The following PRDM15 variants were observed in gnomAD, a reference collection of about 807,000 sequenced individuals.
PRDM15 encodes PR/SET domain 15.
A neutral mutation model predicts 128.6 loss-of-function variants in PRDM15; 64 were observed. The ratio of observed to expected loss-of-function variants is 0.50; its 90% CI spans 0.41 to 0.61. PRDM15 has a LOEUF of 0.61. PRDM15 is among the 20% of genes least tolerant of loss of function. PRDM15 has a pLI of 0.00. For synonymous variants in PRDM15, 615 were observed against 621.8 expected (o/e 0.99, Z 0.16); for missense variants, 1,242 against 1,569.1 (o/e 0.79, Z 3.52).
At position 41,821,340 on chromosome 21, in the gene PRDM15, C is replaced by T; in HGVS notation, c.1897-110G>A. 1 of 1,277,204 alleles carries T rather than the reference C, an allele frequency of 7.8e-7. No individual in the cohort carries two copies. Among genetic ancestry groups the T allele is most frequent in the South Asian group, 1.3e-5 (1 of 74,670 alleles). 79.1% of individuals were successfully genotyped at this position (1,277,204 alleles called of 1,614,324 possible). ...GGGCACCCGACACGCCCTGAGAGCC[C>T]ATGACTCATGCCAGGGTGGAAGGGA... On this transcript the variant is annotated intron_variant, in intron 15 of 23. Coordinates refer to ENST00000398548, the MANE Select transcript of PRDM15 (RefSeq NM_001040424.3). The surrounding 1 kb of genome is among the most constrained non-coding windows in gnomAD (Gnocchi z 5.4).
Position 41,810,533 on chromosome 21 carries a change from G to T in PRDM15, c.2477-204C>A, listed in dbSNP as rs983668863. The T allele has an allele frequency of 6.2e-6, 4 of 649,806 alleles. No individual in the cohort carries two copies. The highest frequency in any genetic ancestry group is 1.9e-5 in the South Asian group (1 of 52,024). The allele number at this position is 649,806 out of a possible 1,614,324, so 40.3% of individuals were successfully genotyped here. ...TTGGGGAGCACTGCCAGCAGCAGCT[G>T]CATCACGGAACCAATATGAGAAAAT... On this transcript the variant is annotated intron_variant, in intron 20 of 23. Coordinates refer to ENST00000398548, the MANE Select transcript of PRDM15 (RefSeq NM_001040424.3). The surrounding 1 kb of genome is among the most constrained non-coding windows in gnomAD (Gnocchi z 6.4).
chr21:41,856,724 C>T (rs1000165857), intron 4 of PRDM15, among the ~76,000 whole-genome samples: 36 of 152,168 alleles, frequency 2.4e-4, no homozygotes, highest in African/African-American at 3.9e-4. Flanking sequence ...CTTTTTAGAA[C>T]GGCCAAACTT....
At position 41,836,500 on chromosome 21, in the gene PRDM15, C is replaced by T; in HGVS notation, c.1151G>A (p.Ser384Asn). The T allele has an allele frequency of 6.2e-7, 1 of 1,612,070 alleles. No individual in the cohort carries two copies. The highest frequency in any genetic ancestry group is 8.5e-7 in the Non-Finnish European group (1 of 1,179,764). ...CNICSKIFQN[S>N]SNLSRHVRSH... ...GCGCACGTGCCTGCTCAGGTTGCTG[C>T]TGTTCTGGAAGATCTTGCTGCAGAT... Residue 384 changes from serine to asparagine, a missense_variant, in exon 9 of 24, where the codon AGC becomes AAC. Coordinates refer to ENST00000398548, the MANE Select transcript of PRDM15 (RefSeq NM_001040424.3).
In PRDM15 at chr21:41,878,913, G is replaced by A. The variant is rs1446732045; in HGVS notation, c.-10+357C>T. On this transcript the variant is annotated intron_variant, in intron 1 of 23. Coordinates refer to ENST00000398548, the MANE Select transcript of PRDM15 (RefSeq NM_001040424.3). Reference sequence around the variant, plus strand: ...CCCGGCAGCCCCGCGGCCCCGCGCTGGGCCTGGCCGCGGGCGGGCGGGGGG... The same window carrying A: ...CCCGGCAGCCCCGCGGCCCCGCGCTAGGCCTGGCCGCGGGCGGGCGGGGGG... 5 of 954,820 alleles carry A rather than the reference G, an allele frequency of 5.2e-6. No individual in the cohort carries two copies. In the African/African-American group the frequency reaches 9.0e-5, roughly 17 times the overall value. The allele number at this position is 954,820 out of a possible 1,614,324, so 59.1% of individuals were successfully genotyped here. A position where few individuals can be genotyped will look rare whatever the true frequency, so the allele number is the denominator to read the frequency against.
At chr21:41,827,155 A>G (rs1054641541) in intron 12 of PRDM15, among the ~76,000 whole-genome samples, 1 of 152,190 alleles carries the variant, frequency 6.6e-6, no homozygotes, top group Non-Finnish European at 1.5e-5. Context: ...TCCAGGTTTG[A>G]TTCGAGAGGC....
chr21:41,805,678 C>A lies in PRDM15; in HGVS notation c.2653-1064G>T, dbSNP rs2061537448. ...AGGACCCTGAGCAAAAGCAACCAGA[C>A]TGCTGTGGACGCACTCTCTACCGTC... On this transcript the variant is annotated intron_variant, in intron 21 of 23. Coordinates refer to ENST00000398548, the MANE Select transcript of PRDM15 (RefSeq NM_001040424.3). Among the ~76,000 whole-genome samples, 3 of 151,994 alleles carry A rather than the reference C, an allele frequency of 2.0e-5. No homozygotes were observed. The South Asian group carries it at 6.2e-4, about 31-fold the overall frequency.
rs1236553669 is a variant in PRDM15 at position 41,810,689 on chromosome 21, A to C, written c.2476+64T>G. 1.6e-6 allele frequency: 2 copies of C among 1,289,252 alleles called. No homozygotes were observed. Among genetic ancestry groups the C allele is most frequent in the Non-Finnish European group, 2.3e-6 (2 of 886,684 alleles). The allele number at this position is 1,289,252 out of a possible 1,614,324, so 79.9% of individuals were successfully genotyped here. ...AATAGTCGTTTCCACCCCAGCAGGCACTCAGACAGCCCCGGCAGCCTGCCG... is the reference window on the plus strand; with the variant it reads ...AATAGTCGTTTCCACCCCAGCAGGCCCTCAGACAGCCCCGGCAGCCTGCCG... On this transcript the variant is annotated intron_variant, in intron 20 of 23. Transcript: ENST00000398548. This position sits in a 1 kb window ranked among gnomAD's most constrained non-coding sequence, Gnocchi z 6.4.
chr21:41,802,225 A>G (rs1043852854), intron 23 of PRDM15, among the ~76,000 whole-genome samples: 1 of 152,218 alleles, frequency 6.6e-6, no homozygotes, highest in Non-Finnish European at 1.5e-5. Context: ...TTAGACACAG[A>G]CTGATCAAAC....
chr21:41,846,482 C>T (rs2063268098), intron 6 of PRDM15, among the ~76,000 whole-genome samples: 1 of 152,214 alleles, frequency 6.6e-6, no homozygotes, highest in Non-Finnish European at 1.5e-5. Flanking sequence ...GGCAGACGGA[C>T]CGCTTGAGCC....
intron 5 of PRDM15, among the ~76,000 whole-genome samples, chr21:41,851,275 G>A (rs2063420310): frequency 6.6e-6 from 1 of 152,206 alleles, no homozygotes; most frequent in South Asian, 2.1e-4. Flanking sequence ...AGTGAGAACT[G>A]GGCAAGCGGC....
Position 41,820,893 on chromosome 21 carries a change from C to T in PRDM15, c.2060+174G>A, listed in dbSNP as rs1313640591. Among the ~76,000 whole-genome samples, 3 of 152,212 alleles carry T rather than the reference C, an allele frequency of 2.0e-5. No homozygotes were observed. The South Asian group carries it at 6.2e-4, about 32-fold the overall frequency. ...AAGCACAGGATAAACCCCAGCCCTG[C>T]TGCCCCTAGCCCAGCTGCCCCCGAG... On this transcript the variant is annotated intron_variant, in intron 16 of 23. Coordinates refer to ENST00000398548, the MANE Select transcript of PRDM15 (RefSeq NM_001040424.3).
Position 41,837,964 on chromosome 21 carries a change from G to A in PRDM15, c.971C>T (p.Thr324Ile). ...AACCGAGCTGGTGTCAGTGGTGGTG[G>A]TGGCCAGCTTCCCCAGAACCAGCTC... ...IMELVLGKLA[T>I]TTTDTSSVPK... Residue 324 changes from threonine to isoleucine, a missense_variant, in exon 8 of 24, where the codon ACC becomes ATC. Around this residue, in one of 3 missense-constraint regions of PRDM15, gnomAD observed 612 missense variants for 717.0 expected, o/e 0.85. Transcript: ENST00000398548. The A allele has an allele frequency of 6.2e-7, 1 of 1,614,224 alleles. No individual in the cohort carries two copies. The highest frequency in any genetic ancestry group is 8.5e-7 in the Non-Finnish European group (1 of 1,180,046).
chr21:41,806,499 C>A lies in PRDM15; in HGVS notation c.2653-1885G>T, dbSNP rs1313733893. ...CACCCATTACTACCACCACCATCACCACCATCACCATCACCACCACCATCA... is the reference window on the plus strand; with the variant it reads ...CACCCATTACTACCACCACCATCACAACCATCACCATCACCACCACCATCA... On this transcript the variant is annotated intron_variant, in intron 21 of 23. Transcript: ENST00000398548. 4.7e-5 allele frequency among the ~76,000 whole-genome samples: 3 copies of A among 64,154 alleles called. 1 individual carries two copies. The highest frequency in any genetic ancestry group is 1.6e-4 in the African/African-American group (2 of 12,190). 42.1% of individuals were successfully genotyped at this position (64,154 alleles called of 152,430 possible).
At chr21:41,868,636 A>G (rs2064099682) in intron 1 of PRDM15, among the ~76,000 whole-genome samples, 1 of 151,512 alleles carries the variant, frequency 6.6e-6, no homozygotes, top group Admixed American at 6.6e-5. Flanking sequence ...ATTAATATTA[A>G]TAAATCCTCT....
At chr21:41,861,259 C>T (rs1275977021) in intron 1 of PRDM15, among the ~76,000 whole-genome samples, 2 of 152,308 alleles carry the variant, frequency 1.3e-5, no homozygotes, top group East Asian at 1.9e-4. Context: ...GGAGGACTCT[C>T]GTGCTCCCAC....
At chr21:41,837,652 T>C (rs1421211532) in intron 8 of PRDM15, among the ~76,000 whole-genome samples, 2 of 152,210 alleles carry the variant, frequency 1.3e-5, no homozygotes, top group Non-Finnish European at 2.9e-5. Flanking sequence ...TGAATGCCAC[T>C]AAATTGTGCA....
intron 13 of PRDM15, among the ~76,000 whole-genome samples, chr21:41,825,220 C>T (rs1270160581): frequency 6.6e-6 from 1 of 152,276 alleles, no homozygotes; most frequent in East Asian, 1.9e-4. Flanking sequence ...GATGCCACCT[C>T]CAGTCACAAC....
intron 1 of PRDM15, among the ~76,000 whole-genome samples, chr21:41,866,485 C>G (rs1280854035): frequency 6.6e-6 from 1 of 152,248 alleles, no homozygotes; most frequent in Non-Finnish European, 1.5e-5. Flanking sequence ...CCACCCTGGT[C>G]TGGCTTTGGC....
In PRDM15 at chr21:41,799,893, T is replaced by C. The variant is rs369031186; in HGVS notation, c.*1347A>G. Reference sequence around the variant, plus strand: ...TCCCCACACCTCTCAGTGTTTCTTGTCGTGGGCAGCAGGAGGGCTGGGTGC... The same window carrying C: ...TCCCCACACCTCTCAGTGTTTCTTGCCGTGGGCAGCAGGAGGGCTGGGTGC... On this transcript the variant is annotated 3_prime_UTR_variant, in exon 24 of 24. Coordinates refer to ENST00000398548, the MANE Select transcript of PRDM15 (RefSeq NM_001040424.3). The C allele has an allele frequency of 6.6e-6, 1 of 152,452 alleles. No individual in the cohort carries two copies. The highest frequency in any genetic ancestry group is 1.9e-4 in the East Asian group (1 of 5,180). 9.4% of individuals were successfully genotyped at this position (152,452 alleles called of 1,614,324 possible). A position where few individuals can be genotyped will look rare whatever the true frequency, so the allele number is the denominator to read the frequency against.
Sources: allele counts gnomAD v4.1 joint callset (sites outside exome capture counted in the v4.1 genomes callset), GRCh38; gene constraint gnomAD v4.1.1; regional missense constraint gnomAD v4.1.1; non-coding constraint Gnocchi (gnomAD v3.1); transcripts MANE v1.5; gene names NCBI Gene and HGNC (gene_info 2026-07-23, HGNC 2026-07-21).